The following CHM variants were observed in gnomAD, a reference collection of about 807,000 sequenced individuals.
CHM encodes rab proteins geranylgeranyltransferase component A 1.
Under a neutral mutation model 49.0 loss-of-function variants are expected in CHM, and 10 were observed. The observed-to-expected ratio is 0.20, with a 90% confidence interval of 0.13 to 0.35. CHM has a LOEUF of 0.35. Ranked by LOEUF, CHM falls within the 10% of genes least tolerant of loss-of-function variation. The probability of loss-of-function intolerance (pLI) is 1.00; values close to 1 mark genes in which losing one functional copy is unlikely to be tolerated. For synonymous variants in CHM, 184 were observed against 167.5 expected (o/e 1.10, Z -0.76); for missense variants, 455 against 478.4 (o/e 0.95, Z 0.46).
At chrX:85,903,007 T>C (rs1410139360) in intron 9 of CHM, among the ~76,000 whole-genome samples, 2 of 111,775 alleles carry the variant, frequency 1.8e-5, no homozygotes, top group African/African-American at 3.2e-5. Context: ...CTTCACTGTA[T>C]ATAAATTTAC....
At chrX:86,027,309 T>C (rs910246476) in intron 2 of CHM, 182 bp downstream of exon 2, 1 of 422,243 alleles carries the variant, frequency 2.4e-6, no homozygotes, top group Non-Finnish European at 4.2e-6. Context: ...GTAAAACTTG[T>C]ATGCTATATA....
intron 2 of CHM, among the ~76,000 whole-genome samples, chrX:85,989,529 C>A (rs1732325813): frequency 8.9e-6 from 1 of 111,990 alleles, no homozygotes; most frequent in African/African-American, 3.2e-5. Flanking sequence ...AGTTTCTGCA[C>A]AGCAAAAGAA....
At chrX:85,882,217 G>A (rs765281014) in intron 12 of CHM, among the ~76,000 whole-genome samples, 1 of 111,998 alleles carries the variant, frequency 8.9e-6, no homozygotes, top group African/African-American at 3.2e-5. Flanking sequence ...AACCAAACAT[G>A]TAGAACATGC....
At chrX:86,029,271 C>G (rs764979377) in intron 1 of CHM, among the ~76,000 whole-genome samples, 10 of 111,678 alleles carry the variant, frequency 9.0e-5, no homozygotes, top group Non-Finnish European at 1.5e-4. Flanking sequence ...AGTTAAAACC[C>G]TTATTGAAAT....
intron 5 of CHM, among the ~76,000 whole-genome samples, chrX:85,962,363 G>A (rs1930340701): frequency 8.9e-6 from 1 of 112,274 alleles, no homozygotes; most frequent in Non-Finnish European, 1.9e-5. Context: ...TAGTACGGAA[G>A]TATGAAGTAG....
intron 5 of CHM, among the ~76,000 whole-genome samples, chrX:85,961,455 T>A (rs915914254): frequency 6.6e-5 from 7 of 106,159 alleles, no homozygotes; most frequent in Non-Finnish European, 1.3e-4. Context: ...AGGTAGGGCT[T>A]TAGGGCTTTA....
chrX:85,992,825 T>C (rs1932268172), intron 2 of CHM, among the ~76,000 whole-genome samples: 1 of 112,480 alleles, frequency 8.9e-6, no homozygotes, highest in Non-Finnish European at 1.9e-5. Context: ...GAAGTTGCTT[T>C]GGCAATCAGA....
chrX:85,895,342 C>CCATG (rs1461131089), intron 11 of CHM, among the ~76,000 whole-genome samples: 2 of 107,920 alleles, frequency 1.9e-5, no homozygotes, highest in Non-Finnish European at 3.8e-5. Context: ...TGGGGCTTCA[C>CCATG]CATGTTGGCC....
At chrX:85,899,314 G>A (rs1431802324) in intron 11 of CHM, among the ~76,000 whole-genome samples, 4 of 111,255 alleles carry the variant, frequency 3.6e-5, no homozygotes, top group African/African-American at 1.3e-4. Context: ...TACCATAACC[G>A]GGGACATGTG....
chrX:85,994,961 C>CTGAA (rs1368391579), intron 2 of CHM, among the ~76,000 whole-genome samples: 2 of 111,169 alleles, frequency 1.8e-5, no homozygotes, highest in East Asian at 2.8e-4. Flanking sequence ...TTCAAATCCA[C>CTGAA]TGAATAAACA....
chrX:85,937,470 G>A (rs189584089), intron 8 of CHM, among the ~76,000 whole-genome samples: 18 of 108,547 alleles, frequency 1.7e-4, no homozygotes, highest in African/African-American at 6.0e-4. Context: ...AACTGGACTG[G>A]GTAAGTTTTG....
chrX:85,929,357 A>G (rs6623539), intron 8 of CHM, among the ~76,000 whole-genome samples: 298 of 112,288 alleles, frequency 2.7e-3, no homozygotes, highest in African/African-American at 9.3e-3. Flanking sequence ...AGTGGCCTTC[A>G]TTGACCATTA....
At chrX:85,937,274 A>G (rs1465029531) in intron 8 of CHM, among the ~76,000 whole-genome samples, 2 of 109,249 alleles carry the variant, frequency 1.8e-5, no homozygotes, top group African/African-American at 6.7e-5. Flanking sequence ...AAAAAAAAAA[A>G]AAAAAAACAG....
intron 12 of CHM, among the ~76,000 whole-genome samples, chrX:85,886,422 G>A (rs757004983): frequency 8.9e-6 from 1 of 111,973 alleles, no homozygotes; most frequent in South Asian, 3.7e-4. Context: ...AAGAGATTTG[G>A]AAGTAAAAGT....
intron 1 of CHM, among the ~76,000 whole-genome samples, chrX:86,036,822 AT>A (rs1934264944): frequency 9.0e-6 from 1 of 111,727 alleles, no homozygotes; most frequent in Non-Finnish European, 1.9e-5. Flanking sequence ...TTTGGGCAAG[AT>A]AAAAAATCAG....
intron 2 of CHM, among the ~76,000 whole-genome samples, chrX:86,000,409 CA>C (rs1932646896): frequency 9.8e-6 from 1 of 101,674 alleles, no homozygotes; most frequent in Admixed American, 1.1e-4. Flanking sequence ...AGAAAAAGAT[CA>C]GTAAAGTAGT....
chrX:85,984,157 G>A (rs1490633585), intron 2 of CHM, among the ~76,000 whole-genome samples: 3 of 110,038 alleles, frequency 2.7e-5, no homozygotes, highest in East Asian at 5.7e-4. Context: ...AACCGAGATC[G>A]TGCCACTGCA....
intron 8 of CHM, among the ~76,000 whole-genome samples, chrX:85,912,808 T>G (rs768466920): frequency 1.9e-5 from 2 of 104,243 alleles, no homozygotes; most frequent in South Asian, 4.3e-4. Flanking sequence ...AGGTCAGGAG[T>G]TCTAAGACCA....
At chrX:86,014,278 A>C (rs1288856061) in intron 2 of CHM, among the ~76,000 whole-genome samples, 1 of 112,153 alleles carries the variant, frequency 8.9e-6, no homozygotes, top group Non-Finnish European at 1.9e-5. Flanking sequence ...TCCTCCCAAT[A>C]AAAGGCATAA....
Sources: gnomAD v4.1 joint callset for allele counts (sites outside exome capture counted in the v4.1 genomes callset) on GRCh38, gnomAD v4.1.1 for gene constraint, MANE v1.5 for transcripts, NCBI Gene and HGNC (gene_info 2026-07-23, HGNC 2026-07-21) for gene names.